Variants in UTRN observed in about 807,000 individuals in gnomAD.
UTRN encodes dystrophin-related protein 1.
UTRN carries 283 observed loss-of-function variants against 463.9 expected under a neutral mutation model. That is an observed-to-expected ratio of 0.61 (90% CI 0.55 to 0.67). The LOEUF is 0.67. UTRN is among the 30% of genes least tolerant of loss of function. UTRN has a pLI of 0.00. For missense variants in UTRN, 3,922 were observed against 4,084.3 expected, an observed-to-expected ratio of 0.96 and a Z score of 1.08; for synonymous variants, 1,442 against 1,431.5, an observed-to-expected ratio of 1.01 and a Z score of -0.17.
chr6:144,828,669 G>C, intron 68 of UTRN, 121 bp from the exon 69 acceptor site: 1 of 976,284 alleles, frequency 1.0e-6, no homozygotes, highest in Admixed American at 2.0e-5. Context: ...CGTGTTAGGA[G>C]ATTTGGATCT....
chr6:144,744,672 A>T (rs1790515499), intron 54 of UTRN, among the ~76,000 whole-genome samples: 1 of 151,696 alleles, frequency 6.6e-6, no homozygotes, highest in South Asian at 2.1e-4. Context: ...TAGGAAAGTG[A>T]CATAGGAAAA....
intron 13 of UTRN, 139 bp from the exon 14 acceptor site, chr6:144,444,142 T>G: frequency 1.5e-6 from 1 of 650,976 alleles, no homozygotes; most frequent in South Asian, 2.1e-5. Context: ...TCTGTTATTT[T>G]AAAGCAATTT....
intron 2 of UTRN, among the ~76,000 whole-genome samples, chr6:144,371,732 T>C (rs954178486): frequency 2.6e-5 from 4 of 152,194 alleles, no homozygotes; most frequent in Non-Finnish European, 5.9e-5. Context: ...ATATTTCACA[T>C]AGCTGGTGGC....
intron 28 of UTRN, among the ~76,000 whole-genome samples, 176 bp from the exon 29 acceptor site, chr6:144,487,372 T>A (rs540537350): frequency 6.6e-6 from 1 of 152,344 alleles, no homozygotes; most frequent in East Asian, 1.9e-4. Flanking sequence ...ATGCATTTTT[T>A]AATCCCATGA....
At chr6:144,637,760 A>G (rs372579692) in intron 51 of UTRN, among the ~76,000 whole-genome samples, 1 of 152,266 alleles carries the variant, frequency 6.6e-6, no homozygotes, top group South Asian at 2.1e-4. Context: ...CTTTTCTGTT[A>G]GCTTTGGCAG....
intron 51 of UTRN, among the ~76,000 whole-genome samples, chr6:144,630,137 G>A (rs13218121): frequency 0.15 from 22,504 of 152,136 alleles, 2,103 homozygotes; most frequent in Admixed American, 0.26. Flanking sequence ...GCAGTGAGCC[G>A]AGATCTCGCC....
chr6:144,556,319 T>C (rs1799379412), intron 49 of UTRN, among the ~76,000 whole-genome samples: 1 of 152,232 alleles, frequency 6.6e-6, no homozygotes, highest in Admixed American at 6.5e-5. Flanking sequence ...TCTGGATCAT[T>C]CTGTGTGTTT....
chr6:144,693,325 T>C (rs1427164512), intron 52 of UTRN, among the ~76,000 whole-genome samples: 1 of 152,246 alleles, frequency 6.6e-6, no homozygotes, highest in Non-Finnish European at 1.5e-5. Flanking sequence ...TCAGGTATCA[T>C]GATGCCTCCA....
intron 29 of UTRN, 126 bp downstream of exon 29, chr6:144,487,823 C>A: frequency 1.2e-6 from 1 of 825,434 alleles, no homozygotes; most frequent in Non-Finnish European, 1.8e-6. Flanking sequence ...GTAACCAATG[C>A]TAACAGGGGC....
intron 70 of UTRN, 105 bp from the exon 71 acceptor site, chr6:144,836,196 T>C: frequency 6.5e-7 from 1 of 1,537,360 alleles, no homozygotes. Flanking sequence ...TACACATTTT[T>C]ATATAAGAGG....
At chr6:144,678,680 CTATTTCATCAGAAA>C in intron 52 of UTRN, 102 bp downstream of exon 52, 1 of 1,057,394 alleles carries the variant, frequency 9.5e-7, no homozygotes, top group Non-Finnish European at 1.3e-6. Context: ...ACCACCACTT[CTATTTCATCAGAAA>C]TAGTTTAAGA....
intron 2 of UTRN, among the ~76,000 whole-genome samples, chr6:144,388,668 A>G (rs1236352626): frequency 1.3e-5 from 2 of 151,792 alleles, no homozygotes; most frequent in Non-Finnish European, 2.9e-5. Flanking sequence ...ATGTGCTACC[A>G]CACCTGGCTA....
intron 64 of UTRN, among the ~76,000 whole-genome samples, chr6:144,802,774 A>C (rs1284565872): frequency 6.6e-6 from 1 of 152,150 alleles, no homozygotes; most frequent in African/African-American, 2.4e-5. Context: ...TTGATATTTT[A>C]AAATTTGATG....
At chr6:144,547,872 A>G (rs535038665) in intron 46 of UTRN, among the ~76,000 whole-genome samples, 1 of 152,276 alleles carries the variant, frequency 6.6e-6, no homozygotes, top group African/African-American at 2.4e-5. Flanking sequence ...GCCTGTTGGG[A>G]TTTTTATTAG....
At chr6:144,313,372 A>C (rs962671991) in intron 2 of UTRN, among the ~76,000 whole-genome samples, 1 of 151,800 alleles carries the variant, frequency 6.6e-6, no homozygotes, top group Non-Finnish European at 1.5e-5. Flanking sequence ...AAAAAAAGAA[A>C]AGAAAATAGA....
At chr6:144,304,099 G>A (rs1226464132) in intron 2 of UTRN, among the ~76,000 whole-genome samples, 1 of 152,148 alleles carries the variant, frequency 6.6e-6, no homozygotes, top group East Asian at 1.9e-4. Flanking sequence ...CTCTGCTGTG[G>A]AGGTTTTGGG....
chr6:144,696,678 T>C (rs536605299), intron 52 of UTRN, among the ~76,000 whole-genome samples: 1 of 152,310 alleles, frequency 6.6e-6, no homozygotes, highest in East Asian at 1.9e-4. Flanking sequence ...TATATATATA[T>C]ACTTTTGTAG....
intron 9 of UTRN, among the ~76,000 whole-genome samples, chr6:144,430,837 C>T (rs1785760066): frequency 6.6e-6 from 1 of 151,916 alleles, no homozygotes; most frequent in African/African-American, 2.4e-5. Context: ...CTCTGAGATT[C>T]AGAGAATTTA....
At position 144,423,592 on chromosome 6, in the gene UTRN, T is replaced by G; in HGVS notation, c.278T>G (p.Val93Gly). 1 of 1,614,230 alleles carries G rather than the reference T, an allele frequency of 6.2e-7. No homozygotes were observed. Among genetic ancestry groups the G allele is most frequent in the Non-Finnish European group, 8.5e-7 (1 of 1,180,046 alleles). Residue 93 changes from valine (V) to glycine (G), a missense_variant, in exon 5 of 75, where the codon GTC becomes GGC. Physicochemically the swap from Val to Gly is moderately radical, Grantham distance 109. Coordinates refer to ENST00000367545, the MANE Select transcript of UTRN (RefSeq NM_007124.3). The stretch of plus-strand genomic sequence containing the variant: ...ACAAGGGTACATGCCTTAAATAACG[T>G]CAACAGAGTGCTGCAGGTTTTACAT... ...GSTRVHALNN[V>G]NRVLQVLHQN... is the part of the protein sequence containing the mutation.
Sources: gnomAD v4.1 joint callset for allele counts (sites outside exome capture counted in the v4.1 genomes callset) on GRCh38, gnomAD v4.1.1 for gene constraint, MANE v1.5 for transcripts, NCBI Gene and HGNC (gene_info 2026-07-23, HGNC 2026-07-21) for gene names.